OPLAH: variants seen among roughly 807,000 people sequenced by gnomAD.
OPLAH encodes 5-oxoprolinase, ATP-hydrolysing.
Under a neutral mutation model 122.8 loss-of-function variants are expected in OPLAH, and 103 were observed. The observed-to-expected ratio is 0.84, with a 90% CI of 0.71 to 0.99. The LOEUF is 0.99. Ranked by LOEUF, OPLAH falls within the 50% of genes least tolerant of loss-of-function variation. The pLI, the probability that OPLAH is intolerant of heterozygous loss-of-function variation, is 0.00. For missense variants in OPLAH, 1,902 were observed against 1,836.5 expected (o/e 1.04, Z -0.65); for synonymous variants, 875 against 796.0 (o/e 1.10, Z -1.67).
chr8:144,055,742 A>C lies in OPLAH; in HGVS notation c.2248+46T>G. On this transcript the variant is annotated intron_variant, in intron 16 of 26. Coordinates refer to ENST00000618853, the MANE Select transcript of OPLAH (RefSeq NM_017570.5). The surrounding 1 kb of genome is among the most constrained non-coding windows in gnomAD (Gnocchi z 6.5). ...ACAGCCCTGCCAGCTACCCCATGAC[A>C]CAGCCGGCGCCTCATCCCACAGGGA... 6.9e-7 allele frequency: 1 copy of C among 1,444,580 alleles called. No homozygotes were observed. The highest frequency in any genetic ancestry group is 1.5e-5 in the South Asian group (1 of 68,436). 89.5% of individuals were successfully genotyped at this position (1,444,580 alleles called of 1,614,324 possible).
intron 9 of OPLAH, 53 bp from the exon 10 acceptor site, chr8:144,057,766 G>A: frequency 4.3e-6 from 7 of 1,609,994 alleles, no homozygotes; most frequent in South Asian, 3.3e-5. Context: ...GGGAGCAGGA[G>A]TAGGCAGCAG....
At chr8:144,050,517 G>T, downstream of OPLAH, 1 of 985,360 alleles carries the variant, frequency 1.0e-6, no homozygotes, top group Non-Finnish European at 1.2e-6. Flanking sequence ...CCCGCCCACC[G>T]CGCGCCCGCC....
intron 14 of OPLAH, 45 bp downstream of exon 14, chr8:144,056,340 G>A: frequency 6.3e-7 from 1 of 1,593,996 alleles, no homozygotes; most frequent in Non-Finnish European, 8.6e-7. Context: ...CCCCATCCCG[G>A]TGCCCCATGG....
At chr8:144,062,988 C>T (rs1835688415), upstream of OPLAH, among the ~76,000 whole-genome samples, 1 of 152,064 alleles carries the variant, frequency 6.6e-6, no homozygotes, top group Non-Finnish European at 1.5e-5. Context: ...CAGGCTCAGG[C>T]CTCCCTTGGC....
chr8:144,055,028 C>G lies in OPLAH; in HGVS notation c.2409+1G>C, dbSNP rs1835477129. 2 of 1,488,834 alleles carry G rather than the reference C, an allele frequency of 1.3e-6. No homozygotes were observed. Among genetic ancestry groups the G allele is most frequent in the Non-Finnish European group, 1.8e-6 (2 of 1,112,090 alleles). The allele number at this position is 1,488,834 out of a possible 1,614,324, so 92.2% of individuals were successfully genotyped here. A position where few individuals can be genotyped will look rare whatever the true frequency, so the allele number is the denominator to read the frequency against. On this transcript the variant is annotated splice_donor_variant, in intron 17 of 26. Coordinates refer to ENST00000618853, the MANE Select transcript of OPLAH (RefSeq NM_017570.5). LOFTEE classifies it high-confidence loss of function. This position sits in a 1 kb window ranked among gnomAD's most constrained non-coding sequence, Gnocchi z 6.5. ...GAAGGGTGAGGCGGGGGAAGGGCCACCTGGAACTGCACCGTCTCCTGCATG... is the reference window on the plus strand; with the variant it reads ...GAAGGGTGAGGCGGGGGAAGGGCCAGCTGGAACTGCACCGTCTCCTGCATG...
chr8:144,054,402 G>C (rs971027650), intron 19 of OPLAH, among the ~76,000 whole-genome samples, 159 bp downstream of exon 19: 2 of 152,138 alleles, frequency 1.3e-5, no homozygotes, highest in Non-Finnish European at 2.9e-5. Flanking sequence ...CCCGGGATCC[G>C]ATCTGCAGCT....
At chr8:144,054,252 G>A (rs1444173718) in intron 19 of OPLAH, among the ~76,000 whole-genome samples, 1 of 151,956 alleles carries the variant, frequency 6.6e-6, no homozygotes, top group East Asian at 1.9e-4. Context: ...CAGTATGACT[G>A]CACACACCAC....
chr8:144,058,781 G>A lies in OPLAH; in HGVS notation c.579C>T (p.His193=). 1 of 1,603,008 alleles carries A rather than the reference G, an allele frequency of 6.2e-7. No individual in the cohort carries two copies. Among genetic ancestry groups the A allele is most frequent in the Non-Finnish European group, 8.5e-7 (1 of 1,173,888 alleles). ...GIRSLAVVLM[H]SYTWAQHEQQ... ...AGCCCCACCTCACTCACGTGTACGA[G>A]TGCATGAGCACCACAGCCAGGCTGC... The change falls in exon 5 of 27, where the codon CAC becomes CAT. Residue 193 remains histidine (H), a synonymous_variant. Coordinates refer to ENST00000618853, the MANE Select transcript of OPLAH (RefSeq NM_017570.5).
At position 144,058,476 on chromosome 8, in the gene OPLAH, G is replaced by C. The variant is rs1835584858; in HGVS notation, c.783+20C>G. ...GGCCCAGGCCCAGGAGTGGGCAGTGGGGGTGCCTCACAGCCTCACCTTGAG... is the reference window on the plus strand; with the variant it reads ...GGCCCAGGCCCAGGAGTGGGCAGTGCGGGTGCCTCACAGCCTCACCTTGAG... On this transcript the variant is annotated intron_variant, in intron 6 of 26. Coordinates refer to ENST00000618853, the MANE Select transcript of OPLAH (RefSeq NM_017570.5). The C allele has an allele frequency of 1.9e-6, 3 of 1,576,202 alleles. No homozygotes were observed. Among genetic ancestry groups the C allele is most frequent in the African/African-American group, 1.3e-5 (1 of 74,486 alleles).
rs199637410 is a variant in OPLAH, at chr8:144,059,704, G to T, written c.258C>A (p.Asn86Lys). The part of the protein sequence containing the change: ...SIRMGTTVAT[N>K]ALLERKGERV... ...GCTCCCCCTTCCGCTCCAGCAGTGC[G>T]TTGGTGGCCACTGTGGTGCCCATGC... The change falls in exon 3 of 27, where the codon AAC (asparagine) becomes AAA (lysine). Residue 86 changes from asparagine (N) to lysine (K), a missense_variant. Asn to Lys is a moderately conservative substitution (Grantham distance 94). Transcript: ENST00000618853. The T allele has an allele frequency of 6.2e-6, 10 of 1,611,932 alleles. No homozygotes were observed. The highest frequency in any genetic ancestry group is 6.8e-6 in the Non-Finnish European group (8 of 1,179,800).
Position 144,051,769 on chromosome 8 carries a change from A to T in OPLAH, c.3680T>A (p.Val1227Glu). ...NLLIRKNGRT[V>E]NLGGKTSVTV... ...CACCGACGTCTTGCCGCCCAGATTC[A>T]CCGTCCGGCCGTTTTTGCGGATCAG... The change falls in exon 26 of 27, where the codon GTG becomes GAG. Residue 1227 changes from valine (V) to glutamate (E), a missense_variant. Physicochemically the swap from Val to Glu is moderately radical, Grantham distance 121. Around this residue, in one of 3 missense-constraint regions of OPLAH, gnomAD observed 1,726 missense variants for 1,642.1 expected, o/e 1.05. Coordinates refer to ENST00000618853, the MANE Select transcript of OPLAH (RefSeq NM_017570.5). 1 of 1,605,014 alleles carries T rather than the reference A, an allele frequency of 6.2e-7. No individual in the cohort carries two copies.
rs1835646263 is a variant in OPLAH at position 144,060,666 on chromosome 8, C to CCGGCT, written c.-72_-68dup. 6.6e-6 allele frequency: 1 copy of CCGGCT among 152,054 alleles called. No individual in the cohort carries two copies. Among genetic ancestry groups the CCGGCT allele is most frequent in the Non-Finnish European group, 1.5e-5 (1 of 68,010 alleles). 9.4% of individuals were successfully genotyped at this position (152,054 alleles called of 1,614,324 possible). A position where few individuals can be genotyped will look rare whatever the true frequency, so the allele number is the denominator to read the frequency against. On this transcript the variant is annotated 5_prime_UTR_variant, in exon 1 of 27. Coordinates refer to ENST00000618853, the MANE Select transcript of OPLAH (RefSeq NM_017570.5). ...CGCAGGCCCCACCTGGCGCTCGGCT[C>CCGGCT]CGGCTCGGTCGCTCGCGGTCGGCTC...
At chr8:144,056,548 G>A (rs782781515) in intron 13 of OPLAH, 25 bp from the exon 14 acceptor site, 5 of 1,612,282 alleles carry the variant, frequency 3.1e-6, no homozygotes, top group African/African-American at 1.3e-5. Flanking sequence ...GGGACCCAAG[G>A]AGTGGTCAGA....
At position 144,054,924 on chromosome 8, in the gene OPLAH, G is replaced by A. The variant is rs1423949697; in HGVS notation, c.2410-11C>T. 3 of 1,589,824 alleles carry A rather than the reference G, an allele frequency of 1.9e-6. No individual in the cohort carries two copies. The highest frequency in any genetic ancestry group is 2.2e-5 in the South Asian group (2 of 89,332). On this transcript the variant is annotated splice_polypyrimidine_tract_variant and intron_variant, in intron 17 of 26. Coordinates refer to ENST00000618853, the MANE Select transcript of OPLAH (RefSeq NM_017570.5). ...CCCCAGGTGCTGAATCTGAAACCAG[G>A]AGATGGGTGCAGAGTGGGCACAGGG...
chr8:144,052,032 C>A lies in OPLAH; in HGVS notation c.3506G>T (p.Gly1169Val), dbSNP rs781793965. 6.3e-6 allele frequency: 10 copies of A among 1,589,836 alleles called. No homozygotes were observed. Among genetic ancestry groups the A allele is most frequent in the Non-Finnish European group, 8.5e-6 (10 of 1,176,338 alleles). Residue 1169 changes from glycine to valine, a missense_variant, in exon 25 of 27, where the codon GGG becomes GTG. Coordinates refer to ENST00000618853, the MANE Select transcript of OPLAH (RefSeq NM_017570.5). ...LRRFELRRGS[G>V]GRGRFRGGDG... The stretch of plus-strand genomic sequence containing the variant: ...GCCGCCTCGGAAGCGGCCTCTGCCC[C>A]CCGAGCCCCGCCGCAGCTCGAAGCG...
chr8:144,057,424 G>A, intron 10 of OPLAH, 24 bp downstream of exon 10: 1 of 1,585,672 alleles, frequency 6.3e-7, no homozygotes, highest in Non-Finnish European at 8.6e-7. Context: ...GGCAGGACAG[G>A]CGGGAGAGCA....
rs369842472 is a variant in OPLAH, at chr8:144,052,874, G to T, written c.3045C>A (p.Gly1015=). The stretch of plus-strand genomic sequence containing the variant: ...GATTACCAAACACCTCCGGCCCAGT[G>T]CCGCTGAAGTCAAACACGGCGCTGC... ...SQGSAVFDFS[G]TGPEVFGNLN... The change falls in exon 22 of 27, where the codon GGC becomes GGA. Residue 1015 remains glycine (G), a synonymous_variant. Transcript: ENST00000618853. 1.9e-6 allele frequency: 3 copies of T among 1,554,528 alleles called. No homozygotes were observed.
rs782262927 is a variant in OPLAH, at chr8:144,053,303, T to C, written c.2777A>G (p.Gln926Arg). 1.9e-6 allele frequency: 3 copies of C among 1,613,032 alleles called. No individual in the cohort carries two copies. Among genetic ancestry groups the C allele is most frequent in the Non-Finnish European group, 2.5e-6 (3 of 1,179,830 alleles). The change falls in exon 20 of 27, where the codon CAG becomes CGG. Residue 926 changes from glutamine to arginine, a missense_variant. Transcript: ENST00000618853. ...LHDNLSDLRA[Q>R]VAANQKGIQL... ...GATGCCCTTCTGGTTGGCTGCCACC[T>C]GGGCACGGAGGTCCGACAGGTTGTC...
intron 1 of OPLAH, 44 bp from the exon 2 acceptor site, chr8:144,060,129 C>G: frequency 7.4e-7 from 1 of 1,359,084 alleles, no homozygotes; most frequent in South Asian, 1.4e-5. Flanking sequence ...GCGAGTGGGA[C>G]TAGAGGCTCC....
Sources: gnomAD v4.1 joint callset for allele counts (sites outside exome capture counted in the v4.1 genomes callset) on GRCh38, gnomAD v4.1.1 for gene constraint, gnomAD v4.1.1 regional missense constraint, Gnocchi (gnomAD v3.1) non-coding constraint, MANE v1.5 for transcripts, NCBI Gene and HGNC (gene_info 2026-07-23, HGNC 2026-07-21) for gene names.